GMDS: variants seen among roughly 807,000 people sequenced by gnomAD.
GMDS encodes GDP-mannose 4,6-dehydratase.
Under a neutral mutation model 49.9 loss-of-function variants are expected in GMDS, and 20 were observed. That is an observed-to-expected ratio of 0.40 (90% CI 0.28 to 0.58). The LOEUF (loss-of-function observed/expected upper bound fraction) is 0.58, where lower values mean the gene tolerates loss of function less well. GMDS is among the 20% of genes least tolerant of loss of function. The pLI is 0.42. For missense variants in GMDS, 362 were observed against 481.4 expected, an observed-to-expected ratio of 0.75 and a Z score of 2.32; for synonymous variants, 177 against 178.6, an observed-to-expected ratio of 0.99 and a Z score of 0.07.
chr6:1,725,359 A>G (rs891060127), intron 9 of GMDS, among the ~76,000 whole-genome samples: 7 of 152,206 alleles, frequency 4.6e-5, no homozygotes, highest in African/African-American at 1.7e-4. Context: ...GAAGTTCTGT[A>G]TTTAGAAATT....
At chr6:1,886,755 G>T (rs1266520970) in intron 7 of GMDS, among the ~76,000 whole-genome samples, 2 of 152,168 alleles carry the variant, frequency 1.3e-5, no homozygotes, top group Non-Finnish European at 2.9e-5. Flanking sequence ...AATTAGATTT[G>T]ACTCTTTCAG....
intron 1 of GMDS, among the ~76,000 whole-genome samples, chr6:2,139,490 G>C (rs1362092871): frequency 6.6e-6 from 1 of 152,190 alleles, no homozygotes; most frequent in African/African-American, 2.4e-5. Flanking sequence ...TGAACTGCTC[G>C]ACAGACACAT....
In GMDS at chr6:2,127,270, G is replaced by A. The variant is rs148362288; in HGVS notation, c.103-2539C>T. On this transcript the variant is annotated intron_variant, in intron 1 of 10. Transcript: ENST00000380815. ...AAGACTAATAATTTGGCAGTAGGTT[G>A]GAAAGCCCTGTAAAGTATGAAGTTT... Among the ~76,000 whole-genome samples the A allele has an allele frequency of 2.1e-3, 318 of 152,252 alleles. 2 individuals carry two copies. Among genetic ancestry groups the A allele is most frequent in the African/African-American group, 7.3e-3 (303 of 41,550 alleles).
At chr6:2,082,879 C>T (rs1457708776) in intron 4 of GMDS, among the ~76,000 whole-genome samples, 1 of 152,188 alleles carries the variant, frequency 6.6e-6, no homozygotes, top group Non-Finnish European at 1.5e-5. Flanking sequence ...CAAAACCGAA[C>T]CCCAAAGTGG....
chr6:2,007,111 G>A (rs1561968622), intron 4 of GMDS, among the ~76,000 whole-genome samples: 1 of 152,152 alleles, frequency 6.6e-6, no homozygotes, highest in Non-Finnish European at 1.5e-5. Context: ...ATTTTGATGA[G>A]GTGGAATAAT....
intron 7 of GMDS, among the ~76,000 whole-genome samples, chr6:1,847,373 C>A (rs1301581238): frequency 6.6e-6 from 1 of 152,156 alleles, no homozygotes; most frequent in African/African-American, 2.4e-5. Context: ...TTTAAGAAAT[C>A]TAGAAGATGG....
At chr6:2,107,936 A>G (rs1774333228) in intron 4 of GMDS, among the ~76,000 whole-genome samples, 1 of 152,238 alleles carries the variant, frequency 6.6e-6, no homozygotes, top group Non-Finnish European at 1.5e-5. Flanking sequence ...TTGAACATTC[A>G]TAATTTGCTA....
chr6:1,734,385 A>G (rs1766932460), intron 8 of GMDS, among the ~76,000 whole-genome samples: 1 of 152,238 alleles, frequency 6.6e-6, no homozygotes, highest in African/African-American at 2.4e-5. Flanking sequence ...GCCCTTATGA[A>G]TGTCACTTGC....
intron 4 of GMDS, among the ~76,000 whole-genome samples, chr6:2,063,541 C>A (rs930182210): frequency 6.6e-6 from 1 of 152,036 alleles, no homozygotes; most frequent in East Asian, 1.9e-4. Flanking sequence ...AATATTAACA[C>A]CAAAATGAAA....
intron 7 of GMDS, among the ~76,000 whole-genome samples, chr6:1,915,364 G>C (rs1581354579): frequency 6.6e-6 from 1 of 152,204 alleles, no homozygotes; most frequent in Non-Finnish European, 1.5e-5. Flanking sequence ...CAGGAGAGTA[G>C]GGCCCCTGAG....
chr6:2,107,577 A>G (rs1005333297), intron 4 of GMDS, among the ~76,000 whole-genome samples: 1 of 152,368 alleles, frequency 6.6e-6, no homozygotes, highest in Non-Finnish European at 1.5e-5. Flanking sequence ...TACAAACTGT[A>G]TTAAGTTATC....
chr6:1,812,215 G>A (rs917967067), intron 7 of GMDS, among the ~76,000 whole-genome samples: 4 of 152,164 alleles, frequency 2.6e-5, no homozygotes, highest in Non-Finnish European at 5.9e-5. Flanking sequence ...AAGCCAGGGA[G>A]AGGCTGTGTA....
rs367575217 is a variant in GMDS at position 2,070,092 on chromosome 6, T to A, written c.345+45679A>T. Among the ~76,000 whole-genome samples, 1,096 of 150,810 alleles carry A rather than the reference T, an allele frequency of 7.3e-3. 9 individuals carry two copies. The highest frequency in any genetic ancestry group is 0.024 in the African/African-American group (975 of 40,580). ...ACCATGGAATACTATGCAGCCATAA[T>A]AAATGATGAGTTCATGTCCTTTGTA... On this transcript the variant is annotated intron_variant, in intron 4 of 10. Coordinates refer to ENST00000380815, the MANE Select transcript of GMDS (RefSeq NM_001500.4).
At chr6:1,920,456 A>C (rs1353557759) in intron 7 of GMDS, among the ~76,000 whole-genome samples, 1 of 152,246 alleles carries the variant, frequency 6.6e-6, no homozygotes, top group African/African-American at 2.4e-5. Flanking sequence ...TATAGGAAAG[A>C]GACAGAGCAA....
rs1561961757 is a variant in GMDS at position 1,999,982 on chromosome 6, T to TATA, written c.346-39017_346-39016insTAT. Among the ~76,000 whole-genome samples, 8 of 11,346 alleles carry TATA rather than the reference T, an allele frequency of 7.1e-4. 1 individual carries two copies. The highest frequency in any genetic ancestry group is 6.0e-3 in the Admixed American group (4 of 672). 7.4% of individuals were successfully genotyped at this position (11,346 alleles called of 152,430 possible). On this transcript the variant is annotated intron_variant, in intron 4 of 10. Coordinates refer to ENST00000380815, the MANE Select transcript of GMDS (RefSeq NM_001500.4). ...TATTATATATATATTATATATATAT[T>TATA]TTATATATATATATTATATATATAT...
intron 9 of GMDS, among the ~76,000 whole-genome samples, chr6:1,641,760 C>G (rs1229418095): frequency 1.3e-5 from 2 of 152,046 alleles, no homozygotes; most frequent in African/African-American, 4.8e-5. Context: ...CTCTCCCTTT[C>G]CTTCTTCAGG....
chr6:1,934,339 AG>A lies in GMDS; in HGVS notation c.644-4110del, dbSNP rs1387382848. Reference sequence around the variant, plus strand: ...AGTTCTCCAACTTTGTTCTTTTTTAAGGTTATTTTAGCTATTCTCTGTCCCT... The same window carrying A: ...AGTTCTCCAACTTTGTTCTTTTTTAAGTTATTTTAGCTATTCTCTGTCCCT... On this transcript the variant is annotated intron_variant, in intron 6 of 10. Transcript: ENST00000380815. 5.9e-5 allele frequency among the ~76,000 whole-genome samples: 9 copies of A among 152,310 alleles called. No individual in the cohort carries two copies. The East Asian group carries it at 1.7e-3, about 29-fold the overall frequency.
At chr6:1,744,681 C>A (rs1017479004) in intron 7 of GMDS, among the ~76,000 whole-genome samples, 2 of 152,190 alleles carry the variant, frequency 1.3e-5, no homozygotes, top group Admixed American at 1.3e-4. Flanking sequence ...CTGAAAGGGG[C>A]ACCAAGGCCT....
At chr6:1,730,750 C>T (rs1766767732) in intron 8 of GMDS, among the ~76,000 whole-genome samples, 1 of 152,164 alleles carries the variant, frequency 6.6e-6, no homozygotes, top group Non-Finnish European at 1.5e-5. Context: ...AAGGCCCCGT[C>T]AAGTCCTCTT....
Sources: gnomAD v4.1 joint callset for allele counts (sites outside exome capture counted in the v4.1 genomes callset) on GRCh38, gnomAD v4.1.1 for gene constraint, MANE v1.5 for transcripts, NCBI Gene and HGNC (gene_info 2026-07-23, HGNC 2026-07-21) for gene names.